Variants in ASTN2 observed in about 807,000 individuals in gnomAD.
The protein encoded by ASTN2 is astrotactin 2.
ASTN2 carries 54 observed loss-of-function variants against 139.8 expected under a neutral mutation model. The ratio of observed to expected loss-of-function variants is 0.39; its 90% CI spans 0.31 to 0.48. The LOEUF (loss-of-function observed/expected upper bound fraction) is 0.48, where lower values mean the gene tolerates loss of function less well. Among genes scored for constraint, ASTN2 ranks in the 20% least tolerant of loss-of-function variants. The pLI, the probability that ASTN2 is intolerant of heterozygous loss-of-function variation, is 0.95. For missense variants in ASTN2, 1,565 were observed against 1,725.1 expected (o/e 0.91, Z 1.64); for synonymous variants, 756 against 719.5 (o/e 1.05, Z -0.81).
chr9:116,757,976 G>T (rs573810884), intron 13 of ASTN2, among the ~76,000 whole-genome samples: 63 of 152,304 alleles, frequency 4.1e-4, no homozygotes, highest in African/African-American at 1.4e-3. Flanking sequence ...TTTGTTGAAT[G>T]AATGAATGAA....
chr9:116,493,308 C>T (rs886559578), intron 19 of ASTN2, among the ~76,000 whole-genome samples: 7 of 152,160 alleles, frequency 4.6e-5, no homozygotes, highest in Non-Finnish European at 2.9e-5. Flanking sequence ...GCTTCTGCCT[C>T]GCCCAAGTTC....
At chr9:116,848,744 G>A (rs900323455) in intron 11 of ASTN2, among the ~76,000 whole-genome samples, 1 of 152,186 alleles carries the variant, frequency 6.6e-6, no homozygotes, top group Non-Finnish European at 1.5e-5. Flanking sequence ...ACCAAGAAGT[G>A]TGTGGCAATT....
At chr9:117,150,272 T>C (rs1341497788) in intron 3 of ASTN2, among the ~76,000 whole-genome samples, 1 of 152,178 alleles carries the variant, frequency 6.6e-6, no homozygotes, top group African/African-American at 2.4e-5. Flanking sequence ...TGAAGATGAA[T>C]GCAATAAATA....
chr9:116,962,746 C>T (rs1386030931), intron 10 of ASTN2, among the ~76,000 whole-genome samples: 3 of 151,824 alleles, frequency 2.0e-5, no homozygotes, highest in African/African-American at 4.8e-5. Context: ...TTTGGAACCG[C>T]GAGATAATGT....
At chr9:116,570,023 T>C (rs1853430360) in intron 19 of ASTN2, among the ~76,000 whole-genome samples, 1 of 152,208 alleles carries the variant, frequency 6.6e-6, no homozygotes, top group Admixed American at 6.5e-5. Flanking sequence ...CTTATTACCA[T>C]GGGGTGGAAA....
At chr9:116,602,688 G>A (rs1854968753) in intron 19 of ASTN2, among the ~76,000 whole-genome samples, 1 of 152,172 alleles carries the variant, frequency 6.6e-6, no homozygotes, top group Non-Finnish European at 1.5e-5. Context: ...CAGCACTTTG[G>A]GAGGCCAAGG....
intron 2 of ASTN2, among the ~76,000 whole-genome samples, chr9:117,229,441 T>A (rs1208893449): frequency 1.3e-5 from 2 of 152,082 alleles, no homozygotes; most frequent in Non-Finnish European, 2.9e-5. Context: ...GACTGGGCAG[T>A]CTCCTTAACT....
intron 17 of ASTN2, among the ~76,000 whole-genome samples, chr9:116,629,365 C>G: frequency 6.6e-6 from 1 of 152,094 alleles, no homozygotes; most frequent in East Asian, 1.9e-4. Flanking sequence ...GATCCACCTG[C>G]CTTGGCCTCC....
At chr9:117,143,599 A>T (rs1830124653) in intron 3 of ASTN2, among the ~76,000 whole-genome samples, 1 of 152,230 alleles carries the variant, frequency 6.6e-6, no homozygotes, top group Non-Finnish European at 1.5e-5. Context: ...AGAACCAAAG[A>T]CATAGCTTAG....
chr9:116,656,890 C>G (rs771471748), intron 16 of ASTN2, among the ~76,000 whole-genome samples: 1 of 152,154 alleles, frequency 6.6e-6, no homozygotes, highest in Non-Finnish European at 1.5e-5. Context: ...CCTCCCTAGT[C>G]AGACAGGCTT....
rs536445015 is a variant in ASTN2 at position 116,771,095 on chromosome 9, C to A, written c.2396+34537G>T. On this transcript the variant is annotated intron_variant, in intron 13 of 22. Coordinates refer to ENST00000313400, the MANE Select transcript of ASTN2 (RefSeq NM_001365068.1). Reference sequence around the variant, plus strand: ...TATCCATTCCTTTGTCCTTGCCTAACAACCATTTACCCTTCAAGATTCAAC... The same window carrying A: ...TATCCATTCCTTTGTCCTTGCCTAAAAACCATTTACCCTTCAAGATTCAAC... Among the ~76,000 whole-genome samples the A allele has an allele frequency of 3.3e-5, 5 of 152,344 alleles. No homozygotes were observed. The South Asian group carries it at 8.3e-4, about 25-fold the overall frequency.
At position 116,532,554 on chromosome 9, in the gene ASTN2, G is replaced by T. The variant is rs570732078; in HGVS notation, c.3356-45054C>A. Among the ~76,000 whole-genome samples, 9 of 152,246 alleles carry T rather than the reference G, an allele frequency of 5.9e-5. No homozygotes were observed. The East Asian group carries it at 1.4e-3, about 23-fold the overall frequency. On this transcript the variant is annotated intron_variant, in intron 19 of 22. Coordinates refer to ENST00000313400, the MANE Select transcript of ASTN2 (RefSeq NM_001365068.1). ...AATTTTTGTATAAGGTGTAAGGAAG[G>T]GATCCAGTTTCAGCTTTCTACATAT...
At chr9:116,530,779 A>T (rs769634789) in intron 19 of ASTN2, among the ~76,000 whole-genome samples, 12 of 152,116 alleles carry the variant, frequency 7.9e-5, no homozygotes, top group Non-Finnish European at 1.2e-4. Context: ...CCTTTTTATA[A>T]CACCTATCTT....
chr9:117,211,479 T>C (rs1024491158), intron 3 of ASTN2, among the ~76,000 whole-genome samples: 1 of 152,078 alleles, frequency 6.6e-6, no homozygotes. Context: ...CTTCTCCCAT[T>C]GCTCTCTCTC....
intron 12 of ASTN2, among the ~76,000 whole-genome samples, chr9:116,818,980 T>C (rs1452503068): frequency 1.3e-5 from 2 of 152,178 alleles, no homozygotes; most frequent in Non-Finnish European, 2.9e-5. Flanking sequence ...TATCATTATA[T>C]TAAGGTAGGT....
intron 2 of ASTN2, among the ~76,000 whole-genome samples, chr9:117,272,019 G>A (rs1036981483): frequency 6.6e-6 from 1 of 152,158 alleles, no homozygotes; most frequent in African/African-American, 2.4e-5. Context: ...GATGCTCTGT[G>A]GGGGCTCCAA....
chr9:117,158,391 C>T (rs192177229), intron 3 of ASTN2, among the ~76,000 whole-genome samples: 16 of 152,118 alleles, frequency 1.1e-4, no homozygotes, highest in African/African-American at 3.9e-4. Flanking sequence ...TTCTAATTTT[C>T]CCATTTGGAA....
At chr9:117,337,830 T>A (rs978254469) in intron 1 of ASTN2, among the ~76,000 whole-genome samples, 9 of 152,060 alleles carry the variant, frequency 5.9e-5, no homozygotes, top group African/African-American at 2.2e-4. Flanking sequence ...TGACCTAATA[T>A]CCAAGGCATG....
chr9:116,669,458 C>A (rs116862021), intron 16 of ASTN2, among the ~76,000 whole-genome samples: 1 of 152,184 alleles, frequency 6.6e-6, no homozygotes, highest in Non-Finnish European at 1.5e-5. Context: ...AAAGTGGCTG[C>A]GCATTTTGCA....
Sources: gnomAD v4.1 joint callset for allele counts (sites outside exome capture counted in the v4.1 genomes callset) on GRCh38, gnomAD v4.1.1 for gene constraint, MANE v1.5 for transcripts, NCBI Gene and HGNC (gene_info 2026-07-23, HGNC 2026-07-21) for gene names.